The following UTP20 variants were observed in gnomAD, a reference collection of about 807,000 sequenced individuals.
The protein encoded by UTP20 is UTP20 small subunit processome component.
In UTP20, 164 loss-of-function variants were observed where a neutral mutation model predicts 329.5. The ratio of observed to expected loss-of-function variants is 0.50; its 90% confidence interval spans 0.44 to 0.57. UTP20 has a LOEUF of 0.57. Among genes scored for constraint, UTP20 ranks in the 20% least tolerant of loss-of-function variants. UTP20 has a pLI of 0.00. For synonymous variants in UTP20, 1,151 were observed against 1,159.3 expected (o/e 0.99, Z 0.14); for missense variants, 3,055 against 3,284.2 (o/e 0.93, Z 1.71).
chr12:101,340,201 CT>C (rs1869074089), intron 31 of UTP20, among the ~76,000 whole-genome samples: 1 of 152,112 alleles, frequency 6.6e-6, no homozygotes, highest in Non-Finnish European at 1.5e-5. Context: ...AATGTTATTT[CT>C]TTTCAAAATA....
At chr12:101,305,796 C>CT in intron 15 of UTP20, 119 bp from the exon 16 acceptor site, 1 of 1,216,526 alleles carries the variant, frequency 8.2e-7, no homozygotes, top group Non-Finnish European at 1.1e-6. Context: ...CCACGTGAGA[C>CT]TTTTGCCTGT....
chr12:101,285,420 GTTAC>G, intron 2 of UTP20, 146 bp from the exon 3 acceptor site: 1 of 746,202 alleles, frequency 1.3e-6, no homozygotes, highest in Non-Finnish European at 2.1e-6. Flanking sequence ...TTTTTAGTGT[GTTAC>G]TTAATGGCCT....
At chr12:101,338,348 A>T in intron 30 of UTP20, 71 bp downstream of exon 30, 1 of 1,508,694 alleles carries the variant, frequency 6.6e-7, no homozygotes. Context: ...AAGAGAAAAA[A>T]AATCAGTATA....
intron 15 of UTP20, 77 bp downstream of exon 15, chr12:101,302,630 A>G: frequency 1.1e-6 from 1 of 940,628 alleles, no homozygotes; most frequent in Admixed American, 3.2e-5. Context: ...CTTGGACACA[A>G]AGAAAATCCC....
In UTP20 at chr12:101,354,844, C is replaced by A; in HGVS notation, c.5120C>A (p.Ala1707Glu). 6.2e-7 allele frequency: 1 copy of A among 1,613,058 alleles called. No homozygotes were observed. Among genetic ancestry groups the A allele is most frequent in the Non-Finnish European group, 8.5e-7 (1 of 1,179,556 alleles). ...TTATTAAACATAGACGCAATTGAAGCAATTGAGTTACCAGAGCCTGAGGCC... is the reference window on the plus strand; with the variant it reads ...TTATTAAACATAGACGCAATTGAAGAAATTGAGTTACCAGAGCCTGAGGCC... ...KIENEENAIE[A>E]IELPEPEAME... The change falls in exon 41 of 62, where the codon GCA (alanine) becomes GAA (glutamate). Residue 1707 changes from alanine to glutamate, a missense_variant. Ala to Glu is a moderately radical substitution (Grantham distance 107). Coordinates refer to ENST00000261637, the MANE Select transcript of UTP20 (RefSeq NM_014503.3).
chr12:101,295,738 A>G lies in UTP20; in HGVS notation c.1430+80A>G, dbSNP rs545290496. On this transcript the variant is annotated intron_variant, in intron 12 of 61. Coordinates refer to ENST00000261637, the MANE Select transcript of UTP20 (RefSeq NM_014503.3). ...AATGTATCAAGAATACTGTAAAAAA[A>G]TGATCTATATGTAACAGGAAAGATG... is the stretch of plus-strand genomic sequence containing the variant. The G allele has an allele frequency of 6.4e-5, 88 of 1,383,414 alleles. No homozygotes were observed. The African/African-American group carries it at 1.1e-3, about 18-fold the overall frequency. The allele number at this position is 1,383,414 out of a possible 1,614,324, so 85.7% of individuals were successfully genotyped here. A position where few individuals can be genotyped will look rare whatever the true frequency, so the allele number is the denominator to read the frequency against.
chr12:101,315,755 G>A (rs1331290853), intron 21 of UTP20, among the ~76,000 whole-genome samples: 3 of 152,142 alleles, frequency 2.0e-5, no homozygotes, highest in Non-Finnish European at 4.4e-5. Context: ...GAACTGCAAG[G>A]GCTGTACATA....
rs777281225 is a variant in UTP20 at position 101,346,521 on chromosome 12, C to A, written c.4817C>A (p.Ser1606Tyr). 20 of 1,610,684 alleles carry A rather than the reference C, an allele frequency of 1.2e-5. No individual in the cohort carries two copies. Among genetic ancestry groups the A allele is most frequent in the Non-Finnish European group, 1.6e-5 (19 of 1,178,688 alleles). Reference protein sequence around the residue: ...QLMEGKVVLSSKSLQNYIMPY... With the variant: ...QLMEGKVVLSYKSLQNYIMPY... The stretch of plus-strand genomic sequence containing the variant: ...ATGGAAGGCAAAGTTGTTCTGTCTT[C>A]TAAATCTCTTCAGAATTACATCATG... The change falls in exon 38 of 62, where the codon TCT becomes TAT. Residue 1606 changes from serine to tyrosine, a missense_variant. Physicochemically the swap from Ser to Tyr is moderately radical, Grantham distance 144. Coordinates refer to ENST00000261637, the MANE Select transcript of UTP20 (RefSeq NM_014503.3).
chr12:101,359,673 A>AT (rs1447341527), intron 43 of UTP20, among the ~76,000 whole-genome samples: 4 of 151,780 alleles, frequency 2.6e-5, no homozygotes, highest in African/African-American at 4.8e-5. Context: ...ATTTTCATTT[A>AT]TTTTTTCTTT....
In UTP20 at chr12:101,321,158, A is replaced by C. The variant is rs74603821; in HGVS notation, c.2915+221A>C. Among the ~76,000 whole-genome samples, 1,513 of 152,254 alleles carry C rather than the reference A, an allele frequency of 9.9e-3. 14 individuals are homozygous for C. The highest frequency in any genetic ancestry group is 0.015 in the Non-Finnish European group (1,007 of 68,016). On this transcript the variant is annotated intron_variant, in intron 24 of 61. Coordinates refer to ENST00000261637, the MANE Select transcript of UTP20 (RefSeq NM_014503.3). ...TGTTAATTTTAAAACTGTGTTGTAA[A>C]TATTATGTCATTTTCCTCTTCTTAT...
intron 42 of UTP20, 105 bp from the exon 43 acceptor site, chr12:101,356,821 A>G: frequency 6.8e-7 from 1 of 1,476,630 alleles, no homozygotes; most frequent in Non-Finnish European, 9.1e-7. Context: ...TTCGAATATT[A>G]ACAGGAAAAT....
chr12:101,383,471 A>C, intron 59 of UTP20, 72 bp from the exon 60 acceptor site: 2 of 1,557,666 alleles, frequency 1.3e-6, no homozygotes, highest in Non-Finnish European at 1.7e-6. Flanking sequence ...CTGTTTTCTC[A>C]ATTAATGCTG....
intron 19 of UTP20, among the ~76,000 whole-genome samples, chr12:101,310,051 G>C (rs1337891506): frequency 1.3e-5 from 2 of 152,134 alleles, no homozygotes. Flanking sequence ...TATTATACGT[G>C]TGTCTCTTTG....
intron 21 of UTP20, among the ~76,000 whole-genome samples, chr12:101,314,209 G>A (rs1304149925): frequency 6.6e-6 from 1 of 152,192 alleles, no homozygotes; most frequent in African/African-American, 2.4e-5. Flanking sequence ...AGAGACTAAA[G>A]GCGGCAGTAA....
In UTP20 at chr12:101,385,683, G is replaced by A. The variant is rs1303163770; in HGVS notation, c.8157G>A (p.Gln2719=). 3 of 1,611,616 alleles carry A rather than the reference G, an allele frequency of 1.9e-6. No homozygotes were observed. The African/African-American group carries it at 4.0e-5, about 22-fold the overall frequency. ...TAGCCTTTGCCTCTGTACAGAAACA[G>A]GCTAATGAGAAAAGGGCACTCCGGA... The part of the protein sequence containing the change: ...FSLAFASVQK[Q]ANEKRALRKK... The change falls in exon 61 of 62, where the codon CAG becomes CAA. Residue 2719 remains glutamine (Q), a synonymous_variant. Coordinates refer to ENST00000261637, the MANE Select transcript of UTP20 (RefSeq NM_014503.3).
chr12:101,385,726 G>C lies in UTP20; in HGVS notation c.8200G>C (p.Glu2734Gln), dbSNP rs1037027870. ...ACTCCGGAAAAAGAGGAAGGCCCTG[G>C]AGGTAAGTTTGCTCTTTGAAAATAT... is the stretch of plus-strand genomic sequence containing the variant. ...RALRKKRKAL[E>Q]FVTNPDIAAK... Residue 2734 changes from glutamate to glutamine, a missense_variant and splice_region_variant, in exon 61 of 62, where the codon GAG (glutamate) becomes CAG (glutamine). Physicochemically the swap from Glu to Gln is conservative, Grantham distance 29. Transcript: ENST00000261637. 7 of 1,610,360 alleles carry C rather than the reference G, an allele frequency of 4.3e-6. No individual in the cohort carries two copies. The highest frequency in any genetic ancestry group is 1.7e-5 in the Admixed American group (1 of 58,608).
intron 44 of UTP20, among the ~76,000 whole-genome samples, chr12:101,363,336 CTT>C (rs770178835): frequency 6.6e-6 from 1 of 152,096 alleles, no homozygotes. Context: ...AAGGATTTTT[CTT>C]TGTTTCCCGT....
Position 101,293,212 on chromosome 12 carries a change from T to C in UTP20, c.1218T>C (p.Ser406=). ...AAAAACGTTTAATTTTCAGTTTTTCTGAAGTCATGTTTGCCATGAAGCAGT... is the reference window on the plus strand; with the variant it reads ...AAAAACGTTTAATTTTCAGTTTTTCCGAAGTCATGTTTGCCATGAAGCAGT... ...RFEKRLIFSF[S]EVMFAMKQFE... Residue 406 remains serine (S), a synonymous_variant, in exon 11 of 62, where the codon TCT becomes TCC. Transcript: ENST00000261637. 6.2e-7 allele frequency: 1 copy of C among 1,614,158 alleles called. No individual in the cohort carries two copies. The highest frequency in any genetic ancestry group is 8.5e-7 in the Non-Finnish European group (1 of 1,180,028).
intron 12 of UTP20, among the ~76,000 whole-genome samples, chr12:101,297,896 T>C (rs940081300): frequency 2.0e-5 from 3 of 152,214 alleles, no homozygotes; most frequent in East Asian, 3.9e-4. Context: ...TAAATTTCGA[T>C]GTGCTAACTC....
Sources: allele counts gnomAD v4.1 joint callset (sites outside exome capture counted in the v4.1 genomes callset), GRCh38; gene constraint gnomAD v4.1.1; transcripts MANE v1.5; gene names NCBI Gene and HGNC (gene_info 2026-07-23, HGNC 2026-07-21).